HMCN2: variants seen among roughly 807,000 people sequenced by gnomAD.
HMCN2 encodes the protein hemicentin 2.
Under a neutral mutation model 377.5 loss-of-function variants are expected in HMCN2, and 325 were observed. The ratio of observed to expected loss-of-function variants is 0.86; its 90% CI spans 0.79 to 0.94. The LOEUF (loss-of-function observed/expected upper bound fraction) is 0.94, where lower values mean the gene tolerates loss of function less well. HMCN2 is among the 40% of genes least tolerant of loss of function. The probability of loss-of-function intolerance (pLI) is 0.00; values close to 1 mark genes in which losing one functional copy is unlikely to be tolerated. For missense variants in HMCN2, 4,543 were observed against 4,725.3 expected, an observed-to-expected ratio of 0.96 and a Z score of 1.13; for synonymous variants, 2,007 against 2,046.8, an observed-to-expected ratio of 0.98 and a Z score of 0.53.
intron 13 of HMCN2, among the ~76,000 whole-genome samples, chr9:130,307,164 T>C (rs1836916560): frequency 6.6e-6 from 1 of 152,034 alleles, no homozygotes; most frequent in Non-Finnish European, 1.5e-5. Context: ...ACTGGGAGCC[T>C]CCTGGTGCGA....
At chr9:130,363,537 G>T (rs1035078167) in intron 40 of HMCN2, among the ~76,000 whole-genome samples, 2 of 152,028 alleles carry the variant, frequency 1.3e-5, no homozygotes, top group African/African-American at 4.8e-5. Flanking sequence ...AAAGAATGCT[G>T]GGAGCTGGGC....
rs998229238 is a variant in HMCN2 at position 130,397,652 on chromosome 9, T to C, written c.11323T>C (p.Leu3775=). 23 of 1,289,624 alleles carry C rather than the reference T, an allele frequency of 1.8e-5. No homozygotes were observed. Among genetic ancestry groups the C allele is most frequent in the Non-Finnish European group, 2.3e-5 (23 of 988,858 alleles). The allele number at this position is 1,289,624 out of a possible 1,614,324, so 79.9% of individuals were successfully genotyped here. A position where few individuals can be genotyped will look rare whatever the true frequency, so the allele number is the denominator to read the frequency against. ...SDRQGRDLRV[L]EPPAIAPSPS... ...TCGTCAAGGCCGTGACCTACGGGTC[T>C]TGGGTAGGTGGCCTGGGGAAGGCCT... is the stretch of plus-strand genomic sequence containing the variant. The change falls in exon 74 of 98, where the codon TTG becomes CTG. Residue 3775 remains leucine, a synonymous_variant. Coordinates refer to ENST00000683500, the MANE Select transcript of HMCN2 (RefSeq NM_001291815.2).
chr9:130,306,094 G>A, intron 11 of HMCN2, 35 bp from the exon 12 acceptor site: 1 of 469,432 alleles, frequency 2.1e-6, no homozygotes, highest in Non-Finnish European at 4.4e-6. Context: ...TGCTCTGATG[G>A]GCTCATCCTC....
intron 25 of HMCN2, among the ~76,000 whole-genome samples, chr9:130,343,948 G>T (rs963401260): frequency 9.2e-5 from 14 of 152,316 alleles, no homozygotes; most frequent in Non-Finnish European, 2.1e-4. Flanking sequence ...GGGCGTGAAG[G>T]CCCAGAGCCT....
Position 130,295,665 on chromosome 9 carries a change from G to A in HMCN2, c.785-1G>A. ...CTGAGCAGCCCTTGGGGCTTCCACA[G>A]GGAGGATCCTGCAGGAGGACGAGGG... On this transcript the variant is annotated splice_acceptor_variant, in intron 5 of 97. Transcript: ENST00000683500. LOFTEE classifies it high-confidence loss of function. 2.1e-6 allele frequency: 1 copy of A among 470,820 alleles called. No individual in the cohort carries two copies. The highest frequency in any genetic ancestry group is 4.4e-6 in the Non-Finnish European group (1 of 226,966). 29.2% of individuals were successfully genotyped at this position (470,820 alleles called of 1,614,324 possible).
intron 31 of HMCN2, among the ~76,000 whole-genome samples, chr9:130,354,153 C>T (rs1839894015): frequency 6.6e-6 from 1 of 152,210 alleles, no homozygotes; most frequent in South Asian, 2.1e-4. Flanking sequence ...GAAGCATCTC[C>T]CAGGCCACGG....
At chr9:130,268,143 C>T (rs1398504930) in intron 1 of HMCN2, among the ~76,000 whole-genome samples, 10 of 152,236 alleles carry the variant, frequency 6.6e-5, no homozygotes, top group East Asian at 3.9e-4. Context: ...AGCCAGATGT[C>T]GTGTCCTGAA....
intron 39 of HMCN2, among the ~76,000 whole-genome samples, 175 bp downstream of exon 39, chr9:130,362,340 C>T (rs1164027541): frequency 4.6e-5 from 7 of 152,144 alleles, no homozygotes; most frequent in Non-Finnish European, 7.3e-5. Flanking sequence ...CCAATGGTAA[C>T]GATACATTCC....
At chr9:130,319,035 G>A (rs1409986091) in intron 15 of HMCN2, among the ~76,000 whole-genome samples, 1 of 152,170 alleles carries the variant, frequency 6.6e-6, no homozygotes, top group Admixed American at 6.5e-5. Context: ...GCATCAGAGG[G>A]GAGCTCAGGA....
At chr9:130,396,362 T>C (rs1027157631) in intron 73 of HMCN2, 49 bp downstream of exon 73, 6 of 1,232,392 alleles carry the variant, frequency 4.9e-6, no homozygotes, top group Non-Finnish European at 6.3e-6. Flanking sequence ...GGTGCCACTT[T>C]GTGGGTTGCA....
Position 130,272,163 on chromosome 9 carries a change from C to T in HMCN2, c.259+6026C>T, listed in dbSNP as rs143787404. On this transcript the variant is annotated intron_variant, in intron 1 of 97. Coordinates refer to ENST00000683500, the MANE Select transcript of HMCN2 (RefSeq NM_001291815.2). ...ACAGTTCTTTTGCTTTTAGTCTTAA[C>T]AGACTCCATTCATTTCCAAAATTAC... 2.5e-3 allele frequency among the ~76,000 whole-genome samples: 378 copies of T among 149,560 alleles called. 10 individuals carry two copies. The highest frequency in any genetic ancestry group is 8.6e-3 in the African/African-American group (356 of 41,396).
rs553101903 is a variant in HMCN2 at position 130,429,486 on chromosome 9, G to C, written c.14198-71G>C. On this transcript the variant is annotated intron_variant, in intron 93 of 97. Coordinates refer to ENST00000683500, the MANE Select transcript of HMCN2 (RefSeq NM_001291815.2). ...GGGAGGAGGCCCAGATATGGAGGGG[G>C]ATGGTCCGTCCCTTGGGGGAGGGGC... The C allele has an allele frequency of 5.2e-6, 8 of 1,533,528 alleles. No individual in the cohort carries two copies. In the African/African-American group the frequency reaches 9.6e-5, roughly 18 times the overall value. 95.0% of individuals were successfully genotyped at this position (1,533,528 alleles called of 1,614,324 possible). A position where few individuals can be genotyped will look rare whatever the true frequency, so the allele number is the denominator to read the frequency against.
intron 40 of HMCN2, among the ~76,000 whole-genome samples, chr9:130,363,926 AAG>A (rs34079421): frequency 6.1e-4 from 89 of 146,328 alleles, no homozygotes; most frequent in African/African-American, 1.6e-3. Flanking sequence ...AGAAAGGAAA[AAG>A]AGAAGGAAGG....
intron 87 of HMCN2, 25 bp from the exon 88 acceptor site, chr9:130,424,751 G>T (rs955445050): frequency 6.6e-6 from 10 of 1,515,702 alleles, no homozygotes; most frequent in Non-Finnish European, 8.8e-6. Context: ...GCTCTAACCC[G>T]GCCTCTATGC....
At chr9:130,426,936 C>T (rs1230048224) in intron 90 of HMCN2, among the ~76,000 whole-genome samples, 1 of 152,146 alleles carries the variant, frequency 6.6e-6, no homozygotes, top group Non-Finnish European at 1.5e-5. Flanking sequence ...CCTCCCCTGC[C>T]TTTGCTTTTG....
At chr9:130,315,769 G>A (rs981410886) in intron 15 of HMCN2, among the ~76,000 whole-genome samples, 3 of 152,148 alleles carry the variant, frequency 2.0e-5, no homozygotes, top group African/African-American at 7.2e-5. Flanking sequence ...TTCTCTTCCT[G>A]GCTGGCAGCC....
chr9:130,398,759 C>T, intron 75 of HMCN2, 52 bp downstream of exon 75: 2 of 1,249,930 alleles, frequency 1.6e-6, no homozygotes, highest in East Asian at 5.7e-5. Context: ...GGCGGGGAGG[C>T]ACTCTCTTCT....
intron 6 of HMCN2, among the ~76,000 whole-genome samples, chr9:130,296,392 A>C (rs1685084722): frequency 6.6e-6 from 1 of 152,200 alleles, no homozygotes; most frequent in African/African-American, 2.4e-5. Context: ...GGAGTTAGAC[A>C]TTCACGGGAA....
In HMCN2 at chr9:130,434,060, C is replaced by T. The variant is rs921333614; in HGVS notation, c.*367C>T. 7 of 222,620 alleles carry T rather than the reference C, an allele frequency of 3.1e-5. No individual in the cohort carries two copies. Among genetic ancestry groups the T allele is most frequent in the Non-Finnish European group, 6.1e-5 (7 of 114,480 alleles). 13.8% of individuals were successfully genotyped at this position (222,620 alleles called of 1,614,324 possible). ...GTTAGGGGTGGCAGCAGCTGTCGCC[C>T]GGCCACACCTGGTGGTGTCATTCTG... On this transcript the variant is annotated 3_prime_UTR_variant, in exon 98 of 98. Coordinates refer to ENST00000683500, the MANE Select transcript of HMCN2 (RefSeq NM_001291815.2).
Sources: allele counts gnomAD v4.1 joint callset (sites outside exome capture counted in the v4.1 genomes callset), GRCh38; gene constraint gnomAD v4.1.1; transcripts MANE v1.5; gene names NCBI Gene and HGNC (gene_info 2026-07-23, HGNC 2026-07-21).